DDX50: variants seen among roughly 807,000 people sequenced by gnomAD.
DDX50 encodes the protein DExD-box helicase 50.
In DDX50, 56 loss-of-function variants were observed where a neutral mutation model predicts 94.8. The observed-to-expected ratio is 0.59, with a 90% confidence interval of 0.48 to 0.74. The LOEUF is 0.74. Among genes scored for constraint, DDX50 ranks in the 30% least tolerant of loss-of-function variants. The pLI is 0.00. For missense variants in DDX50, 713 were observed against 881.2 expected (o/e 0.81, Z 2.42); for synonymous variants, 264 against 295.4 (o/e 0.89, Z 1.09).
chr10:68,925,451 A>G (rs1842060033), intron 8 of DDX50, among the ~76,000 whole-genome samples: 1 of 151,934 alleles, frequency 6.6e-6, no homozygotes, highest in Admixed American at 6.6e-5. Context: ...TTTGTCAGTT[A>G]TTTGTTACAT....
chr10:68,932,645 G>T (rs1027462299), intron 8 of DDX50, among the ~76,000 whole-genome samples: 2 of 152,160 alleles, frequency 1.3e-5, no homozygotes, highest in African/African-American at 4.8e-5. Context: ...ATTTGCAGCA[G>T]AGATGAAGAT....
intron 8 of DDX50, among the ~76,000 whole-genome samples, chr10:68,932,039 T>G (rs185684375): frequency 6.6e-6 from 1 of 152,186 alleles, no homozygotes; most frequent in African/African-American, 2.4e-5. Flanking sequence ...TAGATTTCCC[T>G]CTTAAGTATT....
intron 13 of DDX50, 85 bp from the exon 14 acceptor site, chr10:68,943,128 C>A: frequency 8.6e-7 from 1 of 1,166,062 alleles, no homozygotes; most frequent in Non-Finnish European, 1.2e-6. Flanking sequence ...ATTAAGCAGC[C>A]ACTGAGTCAT....
At chr10:68,902,057 A>G (rs1409543136) in intron 1 of DDX50, among the ~76,000 whole-genome samples, 3 of 152,090 alleles carry the variant, frequency 2.0e-5, no homozygotes, top group Non-Finnish European at 4.4e-5. Flanking sequence ...GCAGGTGTTT[A>G]TTGAACCTAA....
chr10:68,946,570 A>G lies in DDX50; in HGVS notation c.2154A>G (p.Arg718=). 6 of 1,614,230 alleles carry G rather than the reference A, an allele frequency of 3.7e-6. No individual in the cohort carries two copies. The highest frequency in any genetic ancestry group is 5.1e-6 in the Non-Finnish European group (6 of 1,180,040). The change falls in exon 15 of 15, where the codon AGA becomes AGG. Residue 718 remains arginine, a synonymous_variant. Coordinates refer to ENST00000373585, the MANE Select transcript of DDX50 (RefSeq NM_024045.2). ...GSRSGSRQDG[R]RRSGNRNRSR... ...GCTCAGGAAGTCGACAAGATGGTAG[A>G]AGACGAAGTGGGAATAGAAATCGAT...
intron 3 of DDX50, among the ~76,000 whole-genome samples, 185 bp downstream of exon 3, chr10:68,910,567 TAA>T: frequency 6.6e-6 from 1 of 152,280 alleles, no homozygotes; most frequent in East Asian, 1.9e-4. Context: ...CATGCCCGGC[TAA>T]GTTTCATATT....
In DDX50 at chr10:68,903,003, C is replaced by T. The variant is rs1841334927; in HGVS notation, c.87+1532C>T. 2.0e-5 allele frequency among the ~76,000 whole-genome samples: 3 copies of T among 152,190 alleles called. No homozygotes were observed. The South Asian group carries it at 6.2e-4, about 31-fold the overall frequency. On this transcript the variant is annotated intron_variant, in intron 1 of 14. Transcript: ENST00000373585. ...TGTTGTTTTAAATTGGTGGCTTTCACATTGTAAATTCTCCAGAAATACATA... is the reference window on the plus strand; with the variant it reads ...TGTTGTTTTAAATTGGTGGCTTTCATATTGTAAATTCTCCAGAAATACATA...
chr10:68,937,014 A>G lies in DDX50; in HGVS notation c.1674A>G (p.Ala558=). 1.2e-6 allele frequency: 2 copies of G among 1,612,590 alleles called. No individual in the cohort carries two copies. The highest frequency in any genetic ancestry group is 1.7e-5 in the Admixed American group (1 of 60,008). The change falls in exon 12 of 15, where the codon GCA becomes GCG. Residue 558 remains alanine, a synonymous_variant. Coordinates refer to ENST00000373585, the MANE Select transcript of DDX50 (RefSeq NM_024045.2). ...SAQRLIEEKG[A]VDALAAALAH... ...AGAGACTGATAGAAGAGAAAGGTGC[A>G]GTGGATGCATTGGCTGCAGCTTTAG...
At chr10:68,931,172 C>T (rs1471743354) in intron 8 of DDX50, among the ~76,000 whole-genome samples, 1 of 151,694 alleles carries the variant, frequency 6.6e-6, no homozygotes, top group East Asian at 1.9e-4. Context: ...TCTTTCTGAC[C>T]AGGATATAAA....
At position 68,946,592 on chromosome 10, in the gene DDX50, C is replaced by T. The variant is rs760232514; in HGVS notation, c.2176C>T (p.Arg726Ter). The T allele has an allele frequency of 1.9e-6, 3 of 1,614,024 alleles. No individual in the cohort carries two copies. Among genetic ancestry groups the T allele is most frequent in the Non-Finnish European group, 1.7e-6 (2 of 1,179,986 alleles). The change falls in exon 15 of 15, where the codon CGA becomes TGA. Residue 726 changes from arginine (R) to a stop codon, truncating the protein, a stop_gained. Coordinates refer to ENST00000373585, the MANE Select transcript of DDX50 (RefSeq NM_024045.2). LOFTEE classifies it high-confidence loss of function. The stretch of plus-strand genomic sequence containing the variant: ...TAGAAGACGAAGTGGGAATAGAAAT[C>T]GATCAAGAAGTGGGGGCCACAAACG... ...DGRRRSGNRN[R>*]SRSGGHKRSF...
chr10:68,928,973 G>A (rs909718300), intron 8 of DDX50, among the ~76,000 whole-genome samples: 13 of 151,294 alleles, frequency 8.6e-5, no homozygotes, highest in Admixed American at 5.9e-4. Context: ...TTTTTGAGAC[G>A]GAGTCTTGCT....
intron 12 of DDX50, among the ~76,000 whole-genome samples, chr10:68,939,558 A>T (rs1842507842): frequency 6.6e-6 from 1 of 152,006 alleles, no homozygotes; most frequent in African/African-American, 2.4e-5. Flanking sequence ...TATTTCAGCC[A>T]CCCTAACCTA....
intron 14 of DDX50, among the ~76,000 whole-genome samples, chr10:68,945,724 A>G (rs560274872): frequency 9.5e-4 from 145 of 152,284 alleles, no homozygotes; most frequent in Non-Finnish European, 1.8e-3. Flanking sequence ...GTTTACTCCA[A>G]TATCAAAGTG....
intron 8 of DDX50, among the ~76,000 whole-genome samples, chr10:68,929,385 CCTTTCCTTT>C (rs1464245002): frequency 2.0e-5 from 3 of 148,986 alleles, no homozygotes; most frequent in Non-Finnish European, 3.0e-5. Flanking sequence ...TTCTTTCCTT[CCTTTCCTTT>C]CTTTCCTTTC....
At chr10:68,904,842 G>A (rs1841394086) in intron 1 of DDX50, among the ~76,000 whole-genome samples, 1 of 152,230 alleles carries the variant, frequency 6.6e-6, no homozygotes, top group Admixed American at 6.5e-5. Context: ...ATCATATGAT[G>A]TAATGTGTAA....
chr10:68,922,062 G>T (rs1036952307), intron 8 of DDX50, among the ~76,000 whole-genome samples: 2 of 152,080 alleles, frequency 1.3e-5, no homozygotes, highest in Non-Finnish European at 2.9e-5. Flanking sequence ...TTAGCATTTG[G>T]TTTTACAGTT....
intron 8 of DDX50, among the ~76,000 whole-genome samples, chr10:68,920,302 C>A (rs1390876795): frequency 6.6e-6 from 1 of 152,128 alleles, no homozygotes; most frequent in Non-Finnish European, 1.5e-5. Flanking sequence ...GCTGGGACTA[C>A]AGGTGCGTGC....
Position 68,946,423 on chromosome 10 carries a change from T to A in DDX50, c.2007T>A (p.Asp669Glu). ...AKLPEIEEYY[D>E]GNTSSNSRQR... Reference sequence around the variant, plus strand: ...TACCTGAAATTGAAGAATATTATGATGGAAACACATCTTCTAATTCCAGAC... The same window carrying A: ...TACCTGAAATTGAAGAATATTATGAAGGAAACACATCTTCTAATTCCAGAC... Residue 669 changes from aspartate to glutamate, a missense_variant, in exon 15 of 15, where the codon GAT becomes GAA. This residue lies in a region of DDX50 where 428 missense variants were observed against 602.3 expected (regional missense o/e 0.71). Coordinates refer to ENST00000373585, the MANE Select transcript of DDX50 (RefSeq NM_024045.2). The A allele has an allele frequency of 6.2e-7, 1 of 1,614,224 alleles. No individual in the cohort carries two copies. The highest frequency in any genetic ancestry group is 1.3e-5 in the African/African-American group (1 of 75,064).
At position 68,936,074 on chromosome 10, in the gene DDX50, C is replaced by T; in HGVS notation, c.1590C>T (p.Ala530=). The T allele has an allele frequency of 1.2e-6, 2 of 1,608,428 alleles. No homozygotes were observed. Among genetic ancestry groups the T allele is most frequent in the Non-Finnish European group, 1.7e-6 (2 of 1,177,470 alleles). Reference sequence around the variant, plus strand: ...TAGTTAAATCTAAAAGCATGGATGCCATCAGGTATGCTTTCTGAACTTGCT... The same window carrying T: ...TAGTTAAATCTAAAAGCATGGATGCTATCAGGTATGCTTTCTGAACTTGCT... ...MDLVKSKSMD[A]IRSLASVSYA... Residue 530 remains alanine, a synonymous_variant, in exon 11 of 15, where the codon GCC becomes GCT. Coordinates refer to ENST00000373585, the MANE Select transcript of DDX50 (RefSeq NM_024045.2).
Sources: gnomAD v4.1 joint callset for allele counts (sites outside exome capture counted in the v4.1 genomes callset) on GRCh38, gnomAD v4.1.1 for gene constraint, gnomAD v4.1.1 regional missense constraint, MANE v1.5 for transcripts, NCBI Gene and HGNC (gene_info 2026-07-23, HGNC 2026-07-21) for gene names.